AIG1: variants seen among roughly 807,000 people sequenced by gnomAD.
AIG1 encodes androgen-induced gene 1 protein.
A neutral mutation model predicts 31.4 loss-of-function variants in AIG1; 23 were observed. The observed-to-expected ratio is 0.73, with a 90% CI of 0.53 to 1.04. AIG1 has a LOEUF of 1.04. Among genes scored for constraint, AIG1 ranks in the 50% least tolerant of loss-of-function variants. The probability of loss-of-function intolerance (pLI) is 0.00; values close to 1 mark genes in which losing one functional copy is unlikely to be tolerated. For synonymous variants in AIG1, 100 were observed against 110.5 expected (o/e 0.90, Z 0.60); for missense variants, 274 against 295.0 (o/e 0.93, Z 0.52).
At chr6:143,167,698 A>G (rs4896622) in intron 3 of AIG1, among the ~76,000 whole-genome samples, 36,655 of 152,158 alleles carry the variant, frequency 0.24, 5,454 homozygotes, top group East Asian at 0.77. Context: ...TCCTGGAGAC[A>G]GATACTACTT....
intron 2 of AIG1, among the ~76,000 whole-genome samples, chr6:143,162,947 C>A (rs1786538390): frequency 6.6e-6 from 1 of 152,130 alleles, no homozygotes; most frequent in Non-Finnish European, 1.5e-5. Context: ...GTCTTCACTC[C>A]ATGGGAAGGG....
chr6:143,180,526 C>CAATA (rs1254391088), intron 3 of AIG1, among the ~76,000 whole-genome samples: 2 of 152,070 alleles, frequency 1.3e-5, no homozygotes, highest in East Asian at 1.9e-4. Context: ...ATACTGAAAG[C>CAATA]AATAAATAAA....
At chr6:143,100,932 G>T (rs917922157) in intron 1 of AIG1, among the ~76,000 whole-genome samples, 1 of 152,020 alleles carries the variant, frequency 6.6e-6, no homozygotes, top group Non-Finnish European at 1.5e-5. Context: ...TGATCCACCC[G>T]CCTCGGCCTC....
chr6:143,060,640 G>A (rs1056484341), upstream of AIG1: 1 of 457,962 alleles, frequency 2.2e-6, no homozygotes, highest in Non-Finnish European at 4.5e-6. Flanking sequence ...GAACGCAGGA[G>A]CAGAATGACG....
At chr6:143,144,025 T>A (rs1308973038) in intron 2 of AIG1, among the ~76,000 whole-genome samples, 1 of 152,198 alleles carries the variant, frequency 6.6e-6, no homozygotes, top group Non-Finnish European at 1.5e-5. Flanking sequence ...TTCTCAATCA[T>A]CTCATATATT....
intron 3 of AIG1, among the ~76,000 whole-genome samples, chr6:143,168,593 C>A (rs900744985): frequency 6.6e-5 from 10 of 151,842 alleles, no homozygotes. Flanking sequence ...GAACTCAATC[C>A]ATTCCAAATT....
intron 3 of AIG1, among the ~76,000 whole-genome samples, chr6:143,175,243 C>G (rs1442769479): frequency 6.6e-6 from 1 of 152,142 alleles, no homozygotes; most frequent in African/African-American, 2.4e-5. Context: ...AGATTCTTTC[C>G]TTTGTGTTGA....
intron 2 of AIG1, among the ~76,000 whole-genome samples, chr6:143,152,998 G>A (rs1373332966): frequency 2.0e-5 from 3 of 152,182 alleles, no homozygotes; most frequent in Non-Finnish European, 4.4e-5. Context: ...CGTATGGCAA[G>A]ATTGGTGTGG....
rs2128685624 is a variant in AIG1, at chr6:143,288,927, G to A, written c.515+4702G>A. 6.6e-6 allele frequency among the ~76,000 whole-genome samples: 1 copy of A among 152,324 alleles called. No individual in the cohort carries two copies. Among genetic ancestry groups the A allele is most frequent in the South Asian group, 2.1e-4 (1 of 4,824 alleles). On this transcript the variant is annotated intron_variant, in intron 4 of 5. Transcript: ENST00000357847. This position sits in a 1 kb window ranked among gnomAD's most constrained non-coding sequence, Gnocchi z 4.4. ...GGTGAATTCAAAGATTTCTGTGGTT[G>A]GGAGTTGTTTGAAAGAGTTAAGCTT...
chr6:143,205,019 C>T (rs963554747), intron 3 of AIG1, among the ~76,000 whole-genome samples: 2 of 152,130 alleles, frequency 1.3e-5, no homozygotes, highest in Admixed American at 1.3e-4. Flanking sequence ...ACATGTCTTC[C>T]ACAGACTTCT....
At chr6:143,243,040 C>A (rs1228736654) in intron 3 of AIG1, among the ~76,000 whole-genome samples, 2 of 152,178 alleles carry the variant, frequency 1.3e-5, no homozygotes, top group Non-Finnish European at 2.9e-5. Flanking sequence ...CATCCTAGAT[C>A]TACAAAATGT....
chr6:143,191,402 C>T (rs1311634585), intron 3 of AIG1, among the ~76,000 whole-genome samples: 2 of 152,058 alleles, frequency 1.3e-5, no homozygotes, highest in Admixed American at 6.6e-5. Flanking sequence ...TAACAGGGGA[C>T]ATGAGTTTTT....
intron 4 of AIG1, among the ~76,000 whole-genome samples, chr6:143,287,911 A>C (rs1797802024): frequency 1.3e-5 from 2 of 152,148 alleles, no homozygotes; most frequent in Admixed American, 1.3e-4. Flanking sequence ...GCACAAAATC[A>C]AAAACAATTT....
chr6:143,276,804 G>C (rs62430867), intron 3 of AIG1, among the ~76,000 whole-genome samples: 6,693 of 152,258 alleles, frequency 0.044, 194 homozygotes, highest in Middle Eastern at 0.075. Context: ...AAAACATTTT[G>C]TCAGATTTCC....
At chr6:143,209,789 A>G (rs1305232902) in intron 3 of AIG1, among the ~76,000 whole-genome samples, 1 of 152,214 alleles carries the variant, frequency 6.6e-6, no homozygotes, top group Non-Finnish European at 1.5e-5. Context: ...AACTAGTACA[A>G]TCATACTGTT....
At chr6:143,106,409 T>G (rs1445972814) in intron 1 of AIG1, among the ~76,000 whole-genome samples, 2 of 152,204 alleles carry the variant, frequency 1.3e-5, no homozygotes, top group Non-Finnish European at 2.9e-5. Flanking sequence ...TATGATGCTT[T>G]GTTATGGCGG....
rs115043307 is a variant in AIG1 at position 143,214,145 on chromosome 6, C to T, written c.399+48962C>T. On this transcript the variant is annotated intron_variant, in intron 3 of 5. Coordinates refer to ENST00000357847, the MANE Select transcript of AIG1 (RefSeq NM_016108.4). ...TAAAGTAACAGAAGGGAAATGCCTC[C>T]GTGTTTTCCTACATTTAATGCCATC... Among the ~76,000 whole-genome samples the T allele has an allele frequency of 5.4e-3, 829 of 152,260 alleles. 11 individuals are homozygous for T. The highest frequency in any genetic ancestry group is 0.016 in the African/African-American group (671 of 41,556).
intron 1 of AIG1, among the ~76,000 whole-genome samples, chr6:143,129,954 C>T (rs1176397316): frequency 3.0e-5 from 4 of 134,090 alleles, no homozygotes; most frequent in East Asian, 2.1e-4. Flanking sequence ...TTTTTTTGGA[C>T]GATGTCTCCC....
chr6:143,267,178 A>G (rs1397648469), intron 3 of AIG1, among the ~76,000 whole-genome samples: 1 of 152,124 alleles, frequency 6.6e-6, no homozygotes, highest in Non-Finnish European at 1.5e-5. Context: ...GGTGATTGCC[A>G]CTGAGGATCA....
Sources: allele counts gnomAD v4.1 joint callset (sites outside exome capture counted in the v4.1 genomes callset), GRCh38; gene constraint gnomAD v4.1.1; non-coding constraint Gnocchi (gnomAD v3.1); transcripts MANE v1.5; gene names NCBI Gene and HGNC (gene_info 2026-07-23, HGNC 2026-07-21).